The following USP49 variants were observed in gnomAD, a reference collection of about 807,000 sequenced individuals.
The protein encoded by USP49 is ubiquitin specific peptidase 49.
In USP49, 24 loss-of-function variants were observed where a neutral mutation model predicts 58.6. The ratio of observed to expected loss-of-function variants is 0.41; its 90% CI spans 0.30 to 0.58. The LOEUF (loss-of-function observed/expected upper bound fraction) is 0.58, where lower values mean the gene tolerates loss of function less well. Ranked by LOEUF, USP49 falls within the 20% of genes least tolerant of loss-of-function variation. The pLI is 0.30. For missense variants in USP49, 703 were observed against 866.1 expected (o/e 0.81, Z 2.36); for synonymous variants, 408 against 365.1 (o/e 1.12, Z -1.34).
chr6:41,840,329 A>G (rs192659366), intron 3 of USP49, among the ~76,000 whole-genome samples: 117 of 151,106 alleles, frequency 7.7e-4, no homozygotes, highest in Middle Eastern at 3.4e-3. Flanking sequence ...AGCCGAGATT[A>G]CACCACTGCA....
At chr6:41,819,103 G>A (rs866774064) in intron 3 of USP49, among the ~76,000 whole-genome samples, 6 of 152,028 alleles carry the variant, frequency 3.9e-5, no homozygotes, top group African/African-American at 1.4e-4. Flanking sequence ...CAGGTGGGGA[G>A]AAGAGCCAGA....
chr6:41,863,170 T>G (rs928239837), intron 3 of USP49, among the ~76,000 whole-genome samples: 3 of 152,216 alleles, frequency 2.0e-5, no homozygotes, highest in Admixed American at 2.0e-4. Flanking sequence ...CCTATTTACC[T>G]GTCTTGAAAA....
At chr6:41,841,882 C>A (rs182065789) in intron 3 of USP49, among the ~76,000 whole-genome samples, 1 of 152,130 alleles carries the variant, frequency 6.6e-6, no homozygotes, top group African/African-American at 2.4e-5. Flanking sequence ...CATGGCAAAA[C>A]CCTGTCTCTA....
chr6:41,884,876 C>T (rs1774680805), intron 2 of USP49, among the ~76,000 whole-genome samples: 1 of 151,966 alleles, frequency 6.6e-6, no homozygotes, highest in Admixed American at 6.6e-5. Context: ...AAATGTTTTA[C>T]ATAACTTTTT....
At chr6:41,862,312 T>A (rs1211299217) in intron 3 of USP49, among the ~76,000 whole-genome samples, 1 of 152,232 alleles carries the variant, frequency 6.6e-6, no homozygotes, top group Non-Finnish European at 1.5e-5. Context: ...TATTTGAGAA[T>A]GCATTTCCCT....
chr6:41,829,361 C>T (rs1290850956), intron 3 of USP49, among the ~76,000 whole-genome samples: 2 of 151,446 alleles, frequency 1.3e-5, no homozygotes, highest in African/African-American at 4.9e-5. Flanking sequence ...GTTGCCCAGG[C>T]TGGAGTGCAA....
chr6:41,858,428 T>C (rs1774166861), intron 3 of USP49, among the ~76,000 whole-genome samples: 1 of 152,152 alleles, frequency 6.6e-6, no homozygotes, highest in Admixed American at 6.6e-5. Context: ...CCACTTCCCA[T>C]ATCCCATCAA....
chr6:41,800,065 G>A, intron 5 of USP49, 127 bp from the exon 6 acceptor site: 1 of 761,168 alleles, frequency 1.3e-6, no homozygotes, highest in Non-Finnish European at 2.2e-6. Flanking sequence ...AATTTTTTGG[G>A]GGGCGCAATG....
At position 41,882,083 on chromosome 6, in the gene USP49, A is replaced by G. The variant is rs543474048; in HGVS notation, c.-103+9711T>C. Among the ~76,000 whole-genome samples the G allele has an allele frequency of 2.3e-4, 35 of 152,248 alleles. No individual in the cohort carries two copies. In the South Asian group the frequency reaches 5.8e-3, roughly 25 times the overall value. On this transcript the variant is annotated intron_variant, in intron 2 of 7. Coordinates refer to ENST00000682992, the MANE Select transcript of USP49 (RefSeq NM_001286554.2). ...TCAATTTTGAAAAAAAAAAGCAAAG[A>G]CAGGGAATCCATCCTGCCATATCTT... is the stretch of plus-strand genomic sequence containing the variant.
intron 3 of USP49, among the ~76,000 whole-genome samples, chr6:41,861,977 C>T (rs983480061): frequency 3.3e-5 from 5 of 152,224 alleles, no homozygotes; most frequent in African/African-American, 1.2e-4. Flanking sequence ...GCTGGGATTA[C>T]AGGCATGAGC....
At chr6:41,870,814 G>A (rs905159871) in intron 3 of USP49, among the ~76,000 whole-genome samples, 1 of 151,266 alleles carries the variant, frequency 6.6e-6, no homozygotes, top group Admixed American at 6.7e-5. Flanking sequence ...GCATATCCCA[G>A]CACAAGGTGG....
Position 41,870,900 on chromosome 6 carries a change from AATT to A in USP49, c.-29+661_-29+663del, listed in dbSNP as rs796781964. ...AACCCCGTTTCTACAAAAATACAAA[AATT>A]AGCCAGGTGTCGTGGCGGGTGCCTG... is the stretch of plus-strand genomic sequence containing the variant. On this transcript the variant is annotated intron_variant, in intron 3 of 7. Coordinates refer to ENST00000682992, the MANE Select transcript of USP49 (RefSeq NM_001286554.2). Among the ~76,000 whole-genome samples the A allele has an allele frequency of 6.7e-3, 1,021 of 152,018 alleles. 11 individuals carry two copies. The highest frequency in any genetic ancestry group is 0.023 in the African/African-American group (960 of 41,462).
intron 5 of USP49, among the ~76,000 whole-genome samples, chr6:41,802,479 A>ATTTTTTTTTTTTTT (rs11323812): frequency 1.3e-5 from 1 of 79,816 alleles, no homozygotes; most frequent in Non-Finnish European, 2.4e-5. Flanking sequence ...TTTTTTATTT[A>ATTTTTTTTTTTTTT]TTTTTTTTTT....
chr6:41,807,321 A>G (rs1189254644), intron 3 of USP49, among the ~76,000 whole-genome samples: 3 of 152,216 alleles, frequency 2.0e-5, no homozygotes, highest in African/African-American at 7.2e-5. Context: ...TAAAAAGTCA[A>G]TTTTAGGTCG....
intron 3 of USP49, among the ~76,000 whole-genome samples, chr6:41,809,931 C>T (rs981730770): frequency 2.0e-5 from 3 of 150,608 alleles, no homozygotes; most frequent in Non-Finnish European, 4.4e-5. Flanking sequence ...GAGGGCAGAT[C>T]ACGAGGTCAG....
chr6:41,797,706 G>T (rs1772910942), intron 7 of USP49: 1 of 985,868 alleles, frequency 1.0e-6, no homozygotes, highest in Non-Finnish European at 1.2e-6. Context: ...TCTCCTTGAG[G>T]TTACACAGGT....
chr6:41,852,670 G>A (rs187824415), intron 3 of USP49, among the ~76,000 whole-genome samples: 29 of 152,202 alleles, frequency 1.9e-4, no homozygotes, highest in South Asian at 4.1e-4. Context: ...ATACAGATTC[G>A]ATGCAAGCCC....
Position 41,817,437 on chromosome 6 carries a change from C to T in USP49, c.-28-10426G>A, listed in dbSNP as rs142600016. Reference sequence around the variant, plus strand: ...CTGGGATTACAGGCATGAGCCACCACGCTCGGCCTTTCTTTCTTTCTTTTT... The same window carrying T: ...CTGGGATTACAGGCATGAGCCACCATGCTCGGCCTTTCTTTCTTTCTTTTT... On this transcript the variant is annotated intron_variant, in intron 3 of 7. Transcript: ENST00000682992. Among the ~76,000 whole-genome samples the T allele has an allele frequency of 2.8e-3, 415 of 148,710 alleles. 15 individuals are homozygous for T. The East Asian group carries it at 0.063, about 23-fold the overall frequency.
chr6:41,826,679 A>G (rs1475193446), intron 3 of USP49, among the ~76,000 whole-genome samples: 1 of 152,186 alleles, frequency 6.6e-6, no homozygotes, highest in African/African-American at 2.4e-5. Context: ...ACAATAATCC[A>G]TCTGCTAAAA....
Sources: gnomAD v4.1 joint callset for allele counts (sites outside exome capture counted in the v4.1 genomes callset) on GRCh38, gnomAD v4.1.1 for gene constraint, MANE v1.5 for transcripts, NCBI Gene and HGNC (gene_info 2026-07-23, HGNC 2026-07-21) for gene names.